The following GABRB1 variants were observed in gnomAD, a reference collection of about 807,000 sequenced individuals.
GABRB1 encodes gamma-aminobutyric acid receptor subunit beta-1.
A neutral mutation model predicts 51.6 loss-of-function variants in GABRB1; 17 were observed. The ratio of observed to expected loss-of-function variants is 0.33; its 90% CI spans 0.23 to 0.49. GABRB1 has a LOEUF of 0.49. Among genes scored for constraint, GABRB1 ranks in the 20% least tolerant of loss-of-function variants. GABRB1 has a pLI of 0.99. For missense variants in GABRB1, 410 were observed against 600.6 expected (o/e 0.68, Z 3.32); for synonymous variants, 247 against 218.9 (o/e 1.13, Z -1.14).
At chr4:47,314,590 C>T (rs1724816673) in intron 4 of GABRB1, among the ~76,000 whole-genome samples, 1 of 151,822 alleles carries the variant, frequency 6.6e-6, no homozygotes, top group Non-Finnish European at 1.5e-5. Context: ...TTTAATGGTG[C>T]CACAAATATT....
intron 5 of GABRB1, among the ~76,000 whole-genome samples, chr4:47,402,873 G>C (rs924150097): frequency 6.6e-6 from 1 of 152,018 alleles, no homozygotes. Context: ...TATAAACTTG[G>C]TCTTTCATTA....
At chr4:47,012,056 T>A (rs1470388334) in intron 1 of GABRB1, among the ~76,000 whole-genome samples, 1 of 152,208 alleles carries the variant, frequency 6.6e-6, no homozygotes, top group African/African-American at 2.4e-5. Flanking sequence ...TCCACCACAC[T>A]GTCCTTCATT....
At chr4:47,331,048 A>C (rs769791405) in intron 5 of GABRB1, among the ~76,000 whole-genome samples, 1 of 152,174 alleles carries the variant, frequency 6.6e-6, no homozygotes, top group Non-Finnish European at 1.5e-5. Flanking sequence ...TGAATGATTC[A>C]TGACTTCCTT....
intron 3 of GABRB1, among the ~76,000 whole-genome samples, chr4:47,150,089 C>T (rs1426285198): frequency 6.6e-6 from 1 of 151,340 alleles, no homozygotes; most frequent in African/African-American, 2.4e-5. Flanking sequence ...TTTACTTTAG[C>T]AAATTATAAT....
chr4:47,157,716 T>C (rs1160802747), intron 3 of GABRB1, among the ~76,000 whole-genome samples: 3 of 152,220 alleles, frequency 2.0e-5, no homozygotes, highest in African/African-American at 7.2e-5. Flanking sequence ...AATTGGTGTA[T>C]TTTAGTCCTT....
intron 1 of GABRB1, among the ~76,000 whole-genome samples, chr4:47,014,777 C>A (rs773501364): frequency 6.6e-6 from 1 of 151,956 alleles, no homozygotes; most frequent in Non-Finnish European, 1.5e-5. Flanking sequence ...AGAAAAATTG[C>A]CATATAATTG....
chr4:47,283,961 G>A (rs1309984637), intron 4 of GABRB1, among the ~76,000 whole-genome samples: 1 of 151,964 alleles, frequency 6.6e-6, no homozygotes, highest in Non-Finnish European at 1.5e-5. Context: ...GGCCGGACGC[G>A]GTGGCAGGTG....
At chr4:47,361,235 C>G (rs115779810) in intron 5 of GABRB1, among the ~76,000 whole-genome samples, 6 of 151,954 alleles carry the variant, frequency 3.9e-5, no homozygotes, top group African/African-American at 1.5e-4. Flanking sequence ...TGTTCCTGGC[C>G]GTAACAACAA....
chr4:47,197,466 G>A (rs1378617678), intron 4 of GABRB1, among the ~76,000 whole-genome samples: 3 of 152,052 alleles, frequency 2.0e-5, no homozygotes, highest in Non-Finnish European at 4.4e-5. Context: ...TAGAAGTGTT[G>A]GTGTTTCCTT....
intron 8 of GABRB1, among the ~76,000 whole-genome samples, chr4:47,419,042 T>C (rs1729017237): frequency 6.6e-6 from 1 of 152,230 alleles, no homozygotes; most frequent in African/African-American, 2.4e-5. Context: ...CTCTTTTTTC[T>C]TCATAATGTT....
At chr4:47,337,758 C>T (rs1043685436) in intron 5 of GABRB1, among the ~76,000 whole-genome samples, 2 of 145,154 alleles carry the variant, frequency 1.4e-5, no homozygotes, top group Admixed American at 7.2e-5. Context: ...TTCAGTGAGC[C>T]GACATCATGC....
chr4:47,161,341 G>A lies in GABRB1; in HGVS notation c.333G>A (p.Arg111=). ...GIPLNLTLDN[R]VADQLWVPDT... ...CACTGAACCTCACCCTAGACAATAG[G>A]GTAGCTGACCAACTCTGGGTACCAG... Residue 111 remains arginine (R), a synonymous_variant, in exon 4 of 9, where the codon AGG becomes AGA. Transcript: ENST00000295454. 8.1e-6 allele frequency: 13 copies of A among 1,612,510 alleles called. No homozygotes were observed. Among genetic ancestry groups the A allele is most frequent in the Non-Finnish European group, 1.1e-5 (13 of 1,179,190 alleles).
At chr4:47,282,684 C>T (rs908288531) in intron 4 of GABRB1, among the ~76,000 whole-genome samples, 1 of 152,090 alleles carries the variant, frequency 6.6e-6, no homozygotes, top group South Asian at 2.1e-4. Context: ...CTTCTGATTA[C>T]AAAAGAAAGA....
chr4:47,409,360 G>T (rs1439860369), intron 8 of GABRB1, among the ~76,000 whole-genome samples: 1 of 152,174 alleles, frequency 6.6e-6, no homozygotes, highest in Non-Finnish European at 1.5e-5. Context: ...GGATGGAGGT[G>T]GCTCTCAGTG....
At chr4:47,040,519 T>G (rs2109486796) in intron 3 of GABRB1, among the ~76,000 whole-genome samples, 1 of 152,238 alleles carries the variant, frequency 6.6e-6, no homozygotes, top group African/African-American at 2.4e-5. Flanking sequence ...ACATCGGGGC[T>G]GCATGTGCCT....
intron 4 of GABRB1, among the ~76,000 whole-genome samples, chr4:47,263,797 T>C (rs539903441): frequency 1.3e-4 from 20 of 152,232 alleles, no homozygotes; most frequent in African/African-American, 3.9e-4. Flanking sequence ...TACAAATAGA[T>C]AGTGGTAAAG....
chr4:47,204,040 A>G (rs1577998780), intron 4 of GABRB1, among the ~76,000 whole-genome samples: 1 of 152,316 alleles, frequency 6.6e-6, no homozygotes, highest in East Asian at 1.9e-4. Flanking sequence ...TGCAGAAGAT[A>G]AAGGCTGAGA....
intron 5 of GABRB1, among the ~76,000 whole-genome samples, chr4:47,346,407 A>G (rs1355423644): frequency 6.6e-6 from 1 of 152,054 alleles, no homozygotes; most frequent in Non-Finnish European, 1.5e-5. Flanking sequence ...TCAAGTATCT[A>G]TTATGATGAA....
intron 8 of GABRB1, among the ~76,000 whole-genome samples, chr4:47,418,746 A>G (rs1407656601): frequency 6.6e-6 from 1 of 152,204 alleles, no homozygotes; most frequent in Admixed American, 6.5e-5. Context: ...TTGGAGTAAC[A>G]TTCTAGATGG....
Sources: gnomAD v4.1 joint callset for allele counts (sites outside exome capture counted in the v4.1 genomes callset) on GRCh38, gnomAD v4.1.1 for gene constraint, MANE v1.5 for transcripts, NCBI Gene and HGNC (gene_info 2026-07-23, HGNC 2026-07-21) for gene names.